Variants in OSBPL1A observed in about 807,000 individuals in gnomAD.
The protein encoded by OSBPL1A is oxysterol-binding protein-related protein 1.
OSBPL1A carries 80 observed loss-of-function variants against 137.1 expected under a neutral mutation model. That is an observed-to-expected ratio of 0.58 (90% CI 0.49 to 0.70). The LOEUF (loss-of-function observed/expected upper bound fraction) is 0.70. Ranked by LOEUF, OSBPL1A falls within the 30% of genes least tolerant of loss-of-function variation. The probability of loss-of-function intolerance (pLI) is 0.00; values close to 1 mark genes in which losing one functional copy is unlikely to be tolerated. For synonymous variants in OSBPL1A, 365 were observed against 389.7 expected, an observed-to-expected ratio of 0.94 and a Z score of 0.75; for missense variants, 970 against 1,129.4, an observed-to-expected ratio of 0.86 and a Z score of 2.02.
intron 7 of OSBPL1A, among the ~76,000 whole-genome samples, chr18:24,324,629 A>C (rs369305047): frequency 6.9e-5 from 2 of 29,124 alleles, no homozygotes; most frequent in Non-Finnish European, 8.2e-5. Context: ...AAAAAAAAAA[A>C]AAAAATTAGC....
chr18:24,368,113 G>A, intron 3 of OSBPL1A, 174 bp downstream of exon 3: 1 of 443,062 alleles, frequency 2.3e-6, no homozygotes, highest in East Asian at 3.3e-5. Flanking sequence ...TAATTAATCA[G>A]GCTAACCTAA....
intron 1 of OSBPL1A, among the ~76,000 whole-genome samples, chr18:24,396,224 T>TAAA (rs372296881): frequency 1.1e-4 from 16 of 139,994 alleles, no homozygotes; most frequent in Middle Eastern, 3.7e-3. Context: ...TGTCTCAATT[T>TAAA]AAAAAAAAAA....
At chr18:24,172,355 G>A (rs774616034) in intron 22 of OSBPL1A, 21 bp downstream of exon 22, 30 of 1,555,598 alleles carry the variant, frequency 1.9e-5, no homozygotes, top group African/African-American at 6.8e-5. Flanking sequence ...AGGAATGGAC[G>A]AAGTACCCAA....
At chr18:24,248,075 A>G (rs2088957539) in intron 15 of OSBPL1A, among the ~76,000 whole-genome samples, 1 of 152,220 alleles carries the variant, frequency 6.6e-6, no homozygotes, top group Non-Finnish European at 1.5e-5. Context: ...GGCCTTTGCT[A>G]AAGGCTCAGA....
intron 2 of OSBPL1A, among the ~76,000 whole-genome samples, chr18:24,370,014 G>C (rs1905498189): frequency 6.6e-6 from 1 of 152,176 alleles, no homozygotes; most frequent in African/African-American, 2.4e-5. Flanking sequence ...TTGAGCCCAG[G>C]AGTTCAAGAC....
At chr18:24,329,803 CA>C (rs2091043726) in intron 7 of OSBPL1A, among the ~76,000 whole-genome samples, 2 of 152,104 alleles carry the variant, frequency 1.3e-5, no homozygotes, top group Admixed American at 6.5e-5. Context: ...CTCTAAACTT[CA>C]AAACTCAAAT....
chr18:24,303,595 T>C (rs2090443927), intron 14 of OSBPL1A, 42 bp downstream of exon 14: 4 of 1,483,332 alleles, frequency 2.7e-6, no homozygotes, highest in Non-Finnish European at 3.8e-6. Context: ...TCAGTATCTA[T>C]GTGTTAAAGA....
At chr18:24,261,825 C>G (rs1192500051) in intron 15 of OSBPL1A, among the ~76,000 whole-genome samples, 1 of 152,092 alleles carries the variant, frequency 6.6e-6, no homozygotes, top group Non-Finnish European at 1.5e-5. Context: ...GCACTCCAGC[C>G]TGGGCGACAG....
chr18:24,295,917 A>G (rs1329407363), intron 14 of OSBPL1A, among the ~76,000 whole-genome samples: 1 of 151,828 alleles, frequency 6.6e-6, no homozygotes, highest in South Asian at 2.1e-4. Flanking sequence ...GCTCTGCAGT[A>G]TAATTTAAAG....
chr18:24,174,152 T>C (rs11082995), intron 21 of OSBPL1A, among the ~76,000 whole-genome samples: 27,817 of 152,186 alleles, frequency 0.18, 2,895 homozygotes, highest in East Asian at 0.36. Context: ...TGGGCTGTTT[T>C]CAGTTTTTGG....
intron 15 of OSBPL1A, among the ~76,000 whole-genome samples, chr18:24,249,865 T>C (rs2089020135): frequency 6.6e-6 from 1 of 152,130 alleles, no homozygotes; most frequent in Admixed American, 6.5e-5. Context: ...CAACTTCTAA[T>C]GCTGGGCTGG....
Position 24,301,035 on chromosome 18 carries a change from C to CT in OSBPL1A, c.1174+2601dup, listed in dbSNP as rs138445304. On this transcript the variant is annotated intron_variant, in intron 14 of 27. Coordinates refer to ENST00000319481, the MANE Select transcript of OSBPL1A (RefSeq NM_080597.4). Reference sequence around the variant, plus strand: ...AATAAAGCACATGGCAGGTAAAAGACTATCCTGTACAAACCCTTGACAGTA... The same window carrying CT: ...AATAAAGCACATGGCAGGTAAAAGACTTATCCTGTACAAACCCTTGACAGTA... Among the ~76,000 whole-genome samples the CT allele has an allele frequency of 1.6e-4, 24 of 152,308 alleles. 1 individual carries two copies. In the East Asian group the frequency reaches 4.6e-3, roughly 29 times the overall value.
rs974214995 is a variant in OSBPL1A at position 24,352,004 on chromosome 18, A to C, written c.283-10346T>G. Among the ~76,000 whole-genome samples, 3 of 152,208 alleles carry C rather than the reference A, an allele frequency of 2.0e-5. No homozygotes were observed. The East Asian group carries it at 5.8e-4, about 29-fold the overall frequency. On this transcript the variant is annotated intron_variant, in intron 4 of 27. Transcript: ENST00000319481. ...ATGAAAAAGGTGAAGTAGCTTTGGC[A>C]AGGATTAAGAATGGGAGAAACAGGC...
At chr18:24,318,719 TTAGA>T in intron 8 of OSBPL1A, 25 bp downstream of exon 8, 1 of 1,597,272 alleles carries the variant, frequency 6.3e-7, no homozygotes, top group Non-Finnish European at 8.5e-7. Context: ...CTAAAAATTA[TTAGA>T]TAAATTTAAT....
intron 15 of OSBPL1A, among the ~76,000 whole-genome samples, chr18:24,262,317 C>T (rs1264786037): frequency 1.3e-5 from 2 of 152,032 alleles, no homozygotes; most frequent in African/African-American, 4.8e-5. Flanking sequence ...TGCAAAGCTT[C>T]GACCTAAAAA....
chr18:24,193,837 A>G (rs2086955445), intron 18 of OSBPL1A, among the ~76,000 whole-genome samples: 1 of 152,220 alleles, frequency 6.6e-6, no homozygotes, highest in Non-Finnish European at 1.5e-5. Context: ...AAACAGCTCT[A>G]TGTTTATTTG....
rs546254870 is a variant in OSBPL1A, at chr18:24,366,608, T to TAA, written c.282+282_282+283dup. The TAA allele has an allele frequency of 6.2e-3, 1,527 of 247,486 alleles. 18 individuals are homozygous for TAA. Among genetic ancestry groups the TAA allele is most frequent in the African/African-American group, 0.022 (971 of 43,644 alleles). The allele number at this position is 247,486 out of a possible 1,614,324, so 15.3% of individuals were successfully genotyped here. ...TACCTCAATGAAGCTATTTTTTTTT[T>TAA]AAAAAAAAGAATAATCAGGAGTTCC... is the stretch of plus-strand genomic sequence containing the variant. On this transcript the variant is annotated intron_variant, in intron 4 of 27. Transcript: ENST00000319481.
At chr18:24,308,664 C>A (rs970012698) in intron 13 of OSBPL1A, among the ~76,000 whole-genome samples, 7 of 152,164 alleles carry the variant, frequency 4.6e-5, no homozygotes, top group African/African-American at 1.7e-4. Flanking sequence ...TTCTATGATG[C>A]TGGAAATATT....
At position 24,164,467 on chromosome 18, in the gene OSBPL1A, C is replaced by G. The variant is rs1325767459; in HGVS notation, c.2750+598G>C. Among the ~76,000 whole-genome samples, 5 of 115,958 alleles carry G rather than the reference C, an allele frequency of 4.3e-5. No individual in the cohort carries two copies. In the Admixed American group the frequency reaches 4.5e-4, roughly 11 times the overall value. The allele number at this position is 115,958 out of a possible 152,430, so 76.1% of individuals were successfully genotyped here. A position where few individuals can be genotyped will look rare whatever the true frequency, so the allele number is the denominator to read the frequency against. Reference sequence around the variant, plus strand: ...TTTTTGAGACGGAGTCTCGCTCTGTCGCCCAGGCTGGAGTGCAGTGGCGCA... The same window carrying G: ...TTTTTGAGACGGAGTCTCGCTCTGTGGCCCAGGCTGGAGTGCAGTGGCGCA... On this transcript the variant is annotated intron_variant, in intron 27 of 27. Coordinates refer to ENST00000319481, the MANE Select transcript of OSBPL1A (RefSeq NM_080597.4).
Sources: allele counts gnomAD v4.1 joint callset (sites outside exome capture counted in the v4.1 genomes callset), GRCh38; gene constraint gnomAD v4.1.1; transcripts MANE v1.5; gene names NCBI Gene and HGNC (gene_info 2026-07-23, HGNC 2026-07-21).